The following MYLK variants were observed in gnomAD, a reference collection of about 807,000 sequenced individuals.
MYLK encodes the protein myosin light chain kinase, smooth muscle.
A neutral mutation model predicts 203.4 loss-of-function variants in MYLK; 106 were observed. The observed-to-expected ratio is 0.52, with a 90% confidence interval of 0.45 to 0.61. MYLK has a LOEUF of 0.61. MYLK is among the 20% of genes least tolerant of loss of function. MYLK has a pLI of 0.00. For missense variants in MYLK, 2,072 were observed against 2,442.3 expected, an observed-to-expected ratio of 0.85 and a Z score of 3.20; for synonymous variants, 867 against 959.5, an observed-to-expected ratio of 0.90 and a Z score of 1.78.
intron 3 of MYLK, among the ~76,000 whole-genome samples, chr3:123,797,528 C>T (rs2065032368): frequency 1.3e-5 from 2 of 152,292 alleles, no homozygotes; most frequent in South Asian, 4.1e-4. Context: ...AAGAACACTG[C>T]TCCCTGTGCC....
At chr3:123,814,774 T>G (rs1217243391) in intron 3 of MYLK, among the ~76,000 whole-genome samples, 1 of 152,118 alleles carries the variant, frequency 6.6e-6, no homozygotes, top group Non-Finnish European at 1.5e-5. Flanking sequence ...TTCATGGACA[T>G]AAACTGATCC....
At chr3:123,798,594 G>T (rs1012574751) in intron 3 of MYLK, among the ~76,000 whole-genome samples, 1 of 152,168 alleles carries the variant, frequency 6.6e-6, no homozygotes, top group Non-Finnish European at 1.5e-5. Context: ...AAAGGCACCT[G>T]CTTGATCTCA....
At chr3:123,742,517 T>C (rs984994802) in intron 5 of MYLK, among the ~76,000 whole-genome samples, 2 of 151,994 alleles carry the variant, frequency 1.3e-5, no homozygotes, top group South Asian at 2.1e-4. Flanking sequence ...AAAAACATAA[T>C]CTAGTTGCAA....
rs186463114 is a variant in MYLK, at chr3:123,692,545, G to A, written c.3565+190C>T. The stretch of plus-strand genomic sequence containing the variant: ...GAAGCCATGTAGGTGATCAAGTAGA[G>A]CTGCCACTTTCCTTCCTGTCTCTTT... On this transcript the variant is annotated intron_variant, in intron 19 of 33. Coordinates refer to ENST00000360304, the MANE Select transcript of MYLK (RefSeq NM_053025.4). The A allele has an allele frequency of 8.1e-4, 628 of 774,672 alleles. 1 individual carries two copies. In the African/African-American group the frequency reaches 8.6e-3, roughly 11 times the overall value. 48.0% of individuals were successfully genotyped at this position (774,672 alleles called of 1,614,324 possible). A position where few individuals can be genotyped will look rare whatever the true frequency, so the allele number is the denominator to read the frequency against.
intron 3 of MYLK, among the ~76,000 whole-genome samples, chr3:123,805,487 C>G (rs1188338519): frequency 6.9e-6 from 1 of 145,678 alleles, no homozygotes; most frequent in African/African-American, 2.4e-5. Context: ...CCATAAAAAT[C>G]TAGGGTTTTT....
chr3:123,673,208 A>C (rs1315095151), intron 20 of MYLK, among the ~76,000 whole-genome samples: 1 of 149,868 alleles, frequency 6.7e-6, no homozygotes. Flanking sequence ...GTGTCATCCA[A>C]GATGAGTACA....
At chr3:123,681,646 A>C (rs2108451220) in intron 20 of MYLK, 1 of 166,928 alleles carries the variant, frequency 6.0e-6, no homozygotes, top group South Asian at 1.6e-4. Flanking sequence ...TGAAGAGCTC[A>C]GTTTGGCCTG....
chr3:123,647,986 G>T (rs1339368056), intron 26 of MYLK, among the ~76,000 whole-genome samples: 1 of 152,108 alleles, frequency 6.6e-6, no homozygotes, highest in East Asian at 1.9e-4. Flanking sequence ...CTGAGCAGTT[G>T]CCTTCCTTCC....
At chr3:123,881,906 G>A (rs977690814) in intron 1 of MYLK, among the ~76,000 whole-genome samples, 1 of 152,116 alleles carries the variant, frequency 6.6e-6, no homozygotes, top group Admixed American at 6.5e-5. Context: ...TCTCTGACAA[G>A]CCTTCTCAGC....
chr3:123,747,723 C>A (rs542153070), intron 5 of MYLK, among the ~76,000 whole-genome samples: 1 of 152,310 alleles, frequency 6.6e-6, no homozygotes, highest in African/African-American at 2.4e-5. Flanking sequence ...TTGCACTAAC[C>A]AATCCTGTAA....
intron 23 of MYLK, among the ~76,000 whole-genome samples, chr3:123,661,521 C>T (rs1456701770): frequency 6.6e-6 from 1 of 152,172 alleles, no homozygotes; most frequent in South Asian, 2.1e-4. Context: ...AAGGGTTGTT[C>T]TTCTCCTTTA....
intron 3 of MYLK, among the ~76,000 whole-genome samples, chr3:123,794,819 C>T (rs754583051): frequency 2.0e-5 from 3 of 152,158 alleles, no homozygotes; most frequent in African/African-American, 4.8e-5. Context: ...AATAAGTTAT[C>T]ATTTATTGAG....
intron 19 of MYLK, chr3:123,691,565 C>G (rs2060668869): frequency 6.6e-6 from 1 of 152,246 alleles, no homozygotes; most frequent in Non-Finnish European, 1.5e-5. Context: ...TCCCATTCAT[C>G]ATGTTCCATA....
chr3:123,818,312 A>T (rs1047816186), intron 3 of MYLK, among the ~76,000 whole-genome samples: 2 of 152,184 alleles, frequency 1.3e-5, no homozygotes, highest in African/African-American at 4.8e-5. Context: ...GTCCCACTTC[A>T]ACTATTTCTA....
At chr3:123,720,639 G>A (rs1288254228) in intron 13 of MYLK, among the ~76,000 whole-genome samples, 1 of 152,186 alleles carries the variant, frequency 6.6e-6, no homozygotes, top group East Asian at 1.9e-4. Context: ...GAGTCATGAA[G>A]TTAGAACTAT....
chr3:123,740,679 G>A (rs889822477), intron 5 of MYLK, among the ~76,000 whole-genome samples: 3 of 152,212 alleles, frequency 2.0e-5, no homozygotes, highest in South Asian at 2.1e-4. Context: ...TGGGCAAGGC[G>A]CTGCTATGCT....
chr3:123,700,383 C>G lies in MYLK; in HGVS notation c.3085G>C (p.Ala1029Pro). 6.2e-7 allele frequency: 1 copy of G among 1,613,746 alleles called. No homozygotes were observed. Among genetic ancestry groups the G allele is most frequent in the South Asian group, 1.1e-5 (1 of 91,030 alleles). Reference sequence around the variant, plus strand: ...GGCTTCAGGGTCTCAGCAGGCTTGGCGTTGCCCACGGGTTTCAAGGGCCCT... The same window carrying G: ...GGCTTCAGGGTCTCAGCAGGCTTGGGGTTGCCCACGGGTTTCAAGGGCCCT... The part of the protein sequence containing the change: ...PSGPLKPVGN[A>P]KPAETLKPMG... Residue 1029 changes from alanine (A) to proline (P), a missense_variant, in exon 18 of 34, where the codon GCC becomes CCC. Transcript: ENST00000360304.
chr3:123,765,799 T>A (rs1360314446), intron 4 of MYLK, among the ~76,000 whole-genome samples: 1 of 152,164 alleles, frequency 6.6e-6, no homozygotes, highest in African/African-American at 2.4e-5. Context: ...TTGAAGACAT[T>A]ATGCTAAGTA....
In MYLK at chr3:123,711,825, C is replaced by T. The variant is rs563626770; in HGVS notation, c.1805-1932G>A. Among the ~76,000 whole-genome samples, 12 of 152,324 alleles carry T rather than the reference C, an allele frequency of 7.9e-5. No individual in the cohort carries two copies. The South Asian group carries it at 2.3e-3, about 29-fold the overall frequency. On this transcript the variant is annotated intron_variant, in intron 13 of 33. Coordinates refer to ENST00000360304, the MANE Select transcript of MYLK (RefSeq NM_053025.4). ...CACAGGACCACAAATACTAGACCTT[C>T]TTCAGGAAGTGGAGCCATGGGGAGG...
Sources: allele counts gnomAD v4.1 joint callset (sites outside exome capture counted in the v4.1 genomes callset), GRCh38; gene constraint gnomAD v4.1.1; transcripts MANE v1.5; gene names NCBI Gene and HGNC (gene_info 2026-07-23, HGNC 2026-07-21).